Variants in SDCCAG8 observed in about 807,000 individuals in gnomAD.
SDCCAG8 encodes the protein serologically defined colon cancer antigen 8.
In SDCCAG8, 74 loss-of-function variants were observed where a neutral mutation model predicts 101.8. The observed-to-expected ratio is 0.73, with a 90% CI of 0.60 to 0.88. The LOEUF is 0.88. Ranked by LOEUF, SDCCAG8 falls within the 40% of genes least tolerant of loss-of-function variation. The pLI, the probability that SDCCAG8 is intolerant of heterozygous loss-of-function variation, is 0.00. For missense variants in SDCCAG8, 787 were observed against 822.6 expected (o/e 0.96, Z 0.53); for synonymous variants, 281 against 292.9 (o/e 0.96, Z 0.41).
At chr1:243,427,541 C>T (rs2081421481) in intron 16 of SDCCAG8, among the ~76,000 whole-genome samples, 2 of 152,208 alleles carry the variant, frequency 1.3e-5, no homozygotes, top group South Asian at 4.1e-4. Flanking sequence ...GTTCGCGTGG[C>T]CTCCAGCTCG....
intron 4 of SDCCAG8, among the ~76,000 whole-genome samples, chr1:243,280,874 T>C (rs58823746): frequency 0.45 from 68,279 of 152,148 alleles, 18,064 homozygotes; most frequent in East Asian, 0.75. Flanking sequence ...AAAACGTGTG[T>C]ACTGCTGTTC....
rs151029791 is a variant in SDCCAG8, at chr1:243,496,049, T to G, written c.2113-3707T>G. 7.3e-3 allele frequency among the ~76,000 whole-genome samples: 1,105 copies of G among 152,324 alleles called. 13 individuals are homozygous for G. Among genetic ancestry groups the G allele is most frequent in the African/African-American group, 0.025 (1,051 of 41,564 alleles). On this transcript the variant is annotated intron_variant, in intron 17 of 17. Transcript: ENST00000366541. ...TCCCTTTAAAAGGAAGTGCCTCATATTACCCAGAGCCCAGCACAGATGATT... is the reference window on the plus strand; with the variant it reads ...TCCCTTTAAAAGGAAGTGCCTCATAGTACCCAGAGCCCAGCACAGATGATT...
At chr1:243,314,506 A>G (rs189694453) in intron 8 of SDCCAG8, among the ~76,000 whole-genome samples, 2 of 152,332 alleles carry the variant, frequency 1.3e-5, no homozygotes, top group African/African-American at 4.8e-5. Flanking sequence ...ACACCATCCT[A>G]TAGCAGACTC....
At chr1:243,480,019 G>C (rs777997943) in intron 16 of SDCCAG8, among the ~76,000 whole-genome samples, 1 of 151,662 alleles carries the variant, frequency 6.6e-6, no homozygotes, top group Non-Finnish European at 1.5e-5. Flanking sequence ...GAGATACTCA[G>C]TCTCAGGCTT....
chr1:243,473,655 G>T (rs1387346045), intron 16 of SDCCAG8, among the ~76,000 whole-genome samples: 1 of 152,190 alleles, frequency 6.6e-6, no homozygotes, highest in Non-Finnish European at 1.5e-5. Context: ...CAAACTGGCA[G>T]CGTGTGCAAA....
intron 16 of SDCCAG8, among the ~76,000 whole-genome samples, chr1:243,468,669 A>ACG: frequency 6.6e-6 from 1 of 152,298 alleles, no homozygotes; most frequent in African/African-American, 2.4e-5. Context: ...CCTGCATGAC[A>ACG]GAGGAAGACC....
intron 13 of SDCCAG8, among the ~76,000 whole-genome samples, chr1:243,384,092 A>G (rs1344568705): frequency 6.6e-6 from 1 of 152,218 alleles, no homozygotes; most frequent in African/African-American, 2.4e-5. Flanking sequence ...AATTACTCAA[A>G]GGAGGAAAAA....
chr1:243,499,615 A>ATAAT (rs1414933992), intron 17 of SDCCAG8, 141 bp from the exon 18 acceptor site: 40 of 731,544 alleles, frequency 5.5e-5, no homozygotes, highest in African/African-American at 1.2e-4. Flanking sequence ...AACTTTTCAT[A>ATAAT]TAATTTCCAC....
intron 12 of SDCCAG8, among the ~76,000 whole-genome samples, chr1:243,359,422 G>A (rs1488874755): frequency 3.3e-5 from 5 of 152,102 alleles, no homozygotes; most frequent in African/African-American, 7.2e-5. Context: ...ATTCTATGGT[G>A]TGTGGATGAT....
At chr1:243,489,558 A>C (rs1665870919) in intron 17 of SDCCAG8, among the ~76,000 whole-genome samples, 2 of 152,180 alleles carry the variant, frequency 1.3e-5, no homozygotes, top group Non-Finnish European at 2.9e-5. Context: ...CCAATTAGCA[A>C]AGTCGTCTTG....
chr1:243,478,257 T>A (rs1662806942), intron 16 of SDCCAG8, among the ~76,000 whole-genome samples: 1 of 152,240 alleles, frequency 6.6e-6, no homozygotes, highest in African/African-American at 2.4e-5. Flanking sequence ...CAAAGCTCAC[T>A]GGATTTAGAG....
intron 13 of SDCCAG8, among the ~76,000 whole-genome samples, chr1:243,409,572 A>C (rs1274474299): frequency 6.6e-6 from 1 of 152,160 alleles, no homozygotes; most frequent in Non-Finnish European, 1.5e-5. Flanking sequence ...TCAAATGCTG[A>C]TTCCAAGACT....
chr1:243,475,066 A>T (rs1662120683), intron 16 of SDCCAG8, among the ~76,000 whole-genome samples: 1 of 152,076 alleles, frequency 6.6e-6, no homozygotes, highest in Non-Finnish European at 1.5e-5. Context: ...GGAGGAGAGG[A>T]GCTGGCAGGG....
intron 16 of SDCCAG8, among the ~76,000 whole-genome samples, chr1:243,439,584 C>T (rs888906533): frequency 6.7e-6 from 1 of 150,324 alleles, no homozygotes; most frequent in Admixed American, 6.7e-5. Flanking sequence ...AAGATCACGC[C>T]ACTGCACCCC....
intron 17 of SDCCAG8, among the ~76,000 whole-genome samples, chr1:243,495,308 T>C (rs1248985956): frequency 4.6e-5 from 7 of 152,208 alleles, no homozygotes; most frequent in Admixed American, 3.9e-4. Flanking sequence ...TCCCACTTCA[T>C]GTCTGCAAGG....
chr1:243,374,540 A>G (rs1413783007), intron 12 of SDCCAG8, among the ~76,000 whole-genome samples: 1 of 152,156 alleles, frequency 6.6e-6, no homozygotes, highest in African/African-American at 2.4e-5. Flanking sequence ...ACAGTGGAAT[A>G]GTTCTTAAAA....
intron 17 of SDCCAG8, among the ~76,000 whole-genome samples, 188 bp downstream of exon 17, chr1:243,489,328 G>T (rs1031400739): frequency 6.6e-6 from 1 of 152,242 alleles, no homozygotes; most frequent in Admixed American, 6.5e-5. Context: ...GCCCGTCCTG[G>T]TGAGGGAGTT....
At chr1:243,269,804 A>G (rs1004226219) in intron 1 of SDCCAG8, among the ~76,000 whole-genome samples, 2 of 152,104 alleles carry the variant, frequency 1.3e-5, no homozygotes, top group African/African-American at 2.4e-5. Flanking sequence ...TTATTGTTTA[A>G]TGGGAGCTGG....
At chr1:243,352,132 A>G (rs1329118423) in intron 12 of SDCCAG8, among the ~76,000 whole-genome samples, 1 of 152,260 alleles carries the variant, frequency 6.6e-6, no homozygotes, top group Non-Finnish European at 1.5e-5. Context: ...GTTTAACATA[A>G]TAATTTATTT....
Sources: gnomAD v4.1 joint callset for allele counts (sites outside exome capture counted in the v4.1 genomes callset) on GRCh38, gnomAD v4.1.1 for gene constraint, MANE v1.5 for transcripts, NCBI Gene and HGNC (gene_info 2026-07-23, HGNC 2026-07-21) for gene names.